ROBO1: variants seen among roughly 807,000 people sequenced by gnomAD.
The protein encoded by ROBO1 is roundabout homolog 1.
A neutral mutation model predicts 195.9 loss-of-function variants in ROBO1; 149 were observed. The observed-to-expected ratio is 0.76, with a 90% CI of 0.67 to 0.87. The LOEUF is 0.87. Among genes scored for constraint, ROBO1 ranks in the 40% least tolerant of loss-of-function variants. The pLI is 0.00. For missense variants in ROBO1, 1,933 were observed against 2,068.3 expected, an observed-to-expected ratio of 0.93 and a Z score of 1.27; for synonymous variants, 816 against 733.2, an observed-to-expected ratio of 1.11 and a Z score of -1.82.
At chr3:79,107,339 C>T (rs1382150395) in intron 3 of ROBO1, among the ~76,000 whole-genome samples, 1 of 151,748 alleles carries the variant, frequency 6.6e-6, no homozygotes, top group East Asian at 1.9e-4. Flanking sequence ...CATTTTATCA[C>T]ACAAGGATTA....
chr3:79,369,738 C>A (rs948564096), intron 2 of ROBO1, among the ~76,000 whole-genome samples: 2 of 149,830 alleles, frequency 1.3e-5, no homozygotes, highest in Admixed American at 1.3e-4. Context: ...TGGTCTAATT[C>A]TAACATTATG....
At chr3:78,987,385 T>A (rs2108030681) in intron 3 of ROBO1, among the ~76,000 whole-genome samples, 1 of 152,138 alleles carries the variant, frequency 6.6e-6, no homozygotes, top group Admixed American at 6.5e-5. Context: ...GCAGGGAGAC[T>A]CTTAAGCCTC....
At chr3:79,439,161 G>T (rs1360697152) in intron 2 of ROBO1, among the ~76,000 whole-genome samples, 1 of 152,024 alleles carries the variant, frequency 6.6e-6, no homozygotes, top group Non-Finnish European at 1.5e-5. Context: ...AAGTACGGAA[G>T]ATAATACCAC....
rs115196940 is a variant in ROBO1 at position 79,528,502 on chromosome 3, T to C, written c.88+61322A>G. 1.4e-3 allele frequency among the ~76,000 whole-genome samples: 213 copies of C among 152,332 alleles called. 1 individual carries two copies. Among genetic ancestry groups the C allele is most frequent in the African/African-American group, 5.0e-3 (206 of 41,578 alleles). ...AAATAAATATGCATACACAAATATA[T>C]GTGATTTTATCAAAATATTGCACAT... On this transcript the variant is annotated intron_variant, in intron 2 of 30. Coordinates refer to ENST00000464233, the MANE Select transcript of ROBO1 (RefSeq NM_002941.4).
At chr3:79,070,757 T>C (rs2079074223) in intron 3 of ROBO1, among the ~76,000 whole-genome samples, 1 of 151,814 alleles carries the variant, frequency 6.6e-6, no homozygotes, top group South Asian at 2.1e-4. Flanking sequence ...GGAAAATTCT[T>C]AGCCATTATC....
At chr3:79,579,610 T>G (rs576177762) in intron 2 of ROBO1, among the ~76,000 whole-genome samples, 1 of 152,238 alleles carries the variant, frequency 6.6e-6, no homozygotes, top group Admixed American at 6.5e-5. Context: ...GGCAGTTATA[T>G]TCTTTTCTTG....
At chr3:79,583,274 T>G in intron 2 of ROBO1, among the ~76,000 whole-genome samples, 1 of 152,028 alleles carries the variant, frequency 6.6e-6, no homozygotes, top group East Asian at 1.9e-4. Flanking sequence ...ACATCATATC[T>G]ATTCTCAAGG....
chr3:78,607,962 A>G (rs909895491), intron 28 of ROBO1, among the ~76,000 whole-genome samples: 2 of 151,894 alleles, frequency 1.3e-5, no homozygotes, highest in Admixed American at 6.6e-5. Context: ...CATTGTGTTT[A>G]CGTACCCAGA....
chr3:79,397,614 C>T (rs978398782), intron 2 of ROBO1, among the ~76,000 whole-genome samples: 3 of 152,114 alleles, frequency 2.0e-5, no homozygotes, highest in Admixed American at 6.6e-5. Context: ...AACACATAAG[C>T]AGACCATCGA....
intron 4 of ROBO1, among the ~76,000 whole-genome samples, chr3:78,776,553 A>C (rs1467797475): frequency 1.3e-5 from 2 of 152,204 alleles, no homozygotes; most frequent in African/African-American, 2.4e-5. Context: ...CCCAGCCAAA[A>C]TGCTTTAATG....
chr3:79,545,354 T>C (rs1942226181), intron 2 of ROBO1, among the ~76,000 whole-genome samples: 1 of 152,236 alleles, frequency 6.6e-6, no homozygotes, highest in African/African-American at 2.4e-5. Context: ...AGTGTGAGAA[T>C]ACCATTTTCC....
In ROBO1 at chr3:79,750,822, C is replaced by G. The variant is rs144586850; in HGVS notation, c.-51+16930G>C. Among the ~76,000 whole-genome samples, 895 of 152,272 alleles carry G rather than the reference C, an allele frequency of 5.9e-3. 8 individuals are homozygous for G. The highest frequency in any genetic ancestry group is 0.037 in the Middle Eastern group (11 of 294). ...TCTTTATTAGCAGCTTGAATATGAA[C>G]TAATACATGGTCTTTTCTGTTTTCT... On this transcript the variant is annotated intron_variant, in intron 1 of 30. Transcript: ENST00000464233.
intron 2 of ROBO1, among the ~76,000 whole-genome samples, chr3:79,520,583 T>C (rs1445799206): frequency 6.6e-6 from 1 of 152,192 alleles, no homozygotes; most frequent in East Asian, 1.9e-4. Flanking sequence ...TGGAGTAGTT[T>C]ATGAATAAGA....
At chr3:78,962,947 T>A (rs2107846340) in intron 3 of ROBO1, among the ~76,000 whole-genome samples, 1 of 152,022 alleles carries the variant, frequency 6.6e-6, no homozygotes, top group Non-Finnish European at 1.5e-5. Context: ...GAAGTTCAAG[T>A]TATTTTCTGC....
intron 3 of ROBO1, among the ~76,000 whole-genome samples, chr3:79,038,292 G>C (rs2078418254): frequency 6.6e-6 from 1 of 152,172 alleles, no homozygotes; most frequent in African/African-American, 2.4e-5. Flanking sequence ...TTGAACTTAT[G>C]AGTGGCTTCT....
At chr3:79,654,839 A>G (rs758435109) in intron 1 of ROBO1, among the ~76,000 whole-genome samples, 1 of 151,516 alleles carries the variant, frequency 6.6e-6, no homozygotes, top group African/African-American at 2.4e-5. Flanking sequence ...AACTATTCCT[A>G]TTTCATCCTT....
At chr3:79,260,154 A>G (rs1046211692) in intron 2 of ROBO1, among the ~76,000 whole-genome samples, 6 of 151,760 alleles carry the variant, frequency 4.0e-5, no homozygotes, top group Non-Finnish European at 8.8e-5. Flanking sequence ...ATTGAAAGTC[A>G]GCTAATTGAG....
chr3:78,771,341 C>G (rs760515126), intron 4 of ROBO1, among the ~76,000 whole-genome samples: 10 of 152,112 alleles, frequency 6.6e-5, no homozygotes, highest in Non-Finnish European at 1.3e-4. Flanking sequence ...ATGCCTCCAG[C>G]TTTGCTCCTT....
chr3:78,714,124 G>A (rs537803176), intron 8 of ROBO1, among the ~76,000 whole-genome samples: 57 of 152,164 alleles, frequency 3.7e-4, no homozygotes, highest in Middle Eastern at 3.4e-3. Flanking sequence ...CACATTCTTC[G>A]CCTCTACTTG....
Sources: gnomAD v4.1 joint callset for allele counts (sites outside exome capture counted in the v4.1 genomes callset) on GRCh38, gnomAD v4.1.1 for gene constraint, MANE v1.5 for transcripts, NCBI Gene and HGNC (gene_info 2026-07-23, HGNC 2026-07-21) for gene names.